FBXO11: variants seen among roughly 807,000 people sequenced by gnomAD.
The protein encoded by FBXO11 is F-box only protein 11.
FBXO11 carries 13 observed loss-of-function variants against 117.0 expected under a neutral mutation model. That is an observed-to-expected ratio of 0.11 (90% CI 0.07 to 0.18). FBXO11 has a LOEUF of 0.18. Among genes scored for constraint, FBXO11 ranks in the 10% least tolerant of loss-of-function variants. The pLI is 1.00. For missense variants in FBXO11, 767 were observed against 1,164.4 expected, an observed-to-expected ratio of 0.66 and a Z score of 4.97; for synonymous variants, 490 against 380.5, an observed-to-expected ratio of 1.29 and a Z score of -3.35.
rs1021755030 is a variant in FBXO11 at position 47,906,388 on chromosome 2, C to T, written c.-668G>A. Among the ~76,000 whole-genome samples the T allele has an allele frequency of 2.0e-5, 3 of 152,198 alleles. No individual in the cohort carries two copies. The highest frequency in any genetic ancestry group is 2.9e-5 in the Non-Finnish European group (2 of 68,022). ...GGGAAAAAGAGGCGTCGTCCTTCCT[C>T]CTCCTTAAAGGAACCTTTCCTCCTC... On this transcript the variant is annotated 5_prime_UTR_variant, in exon 1 of 23. Transcript: ENST00000403359.
Position 47,818,773 on chromosome 2 carries a change from A to T in FBXO11, c.2006+6T>A. ...CCAAAAGATAGCCAAATATGAAAAC[A>T]TTTACCTTATCTGAACCCCTGAATA... On this transcript the variant is annotated splice_donor_region_variant and intron_variant, in intron 16 of 22. Coordinates refer to ENST00000403359, the MANE Select transcript of FBXO11 (RefSeq NM_001190274.2). The T allele has an allele frequency of 6.4e-7, 1 of 1,571,302 alleles. No homozygotes were observed. The highest frequency in any genetic ancestry group is 8.6e-7 in the Non-Finnish European group (1 of 1,165,606).
chr2:47,864,871 T>G (rs1675074960), intron 1 of FBXO11, among the ~76,000 whole-genome samples: 1 of 152,074 alleles, frequency 6.6e-6, no homozygotes, highest in African/African-American at 2.4e-5. Context: ...ATTTGTTATG[T>G]GAGACAAGAA....
rs1352967061 is a variant in FBXO11 at position 47,839,810 on chromosome 2, T to TA, written c.233-42dup. On this transcript the variant is annotated intron_variant, in intron 1 of 22. Transcript: ENST00000403359. ...GCAATAAGAAAAATTATACCCTTTT[T>TA]AAAAAAAGTTCTATGGATACAGAAA... 4.5e-6 allele frequency: 7 copies of TA among 1,567,648 alleles called. No homozygotes were observed. The Admixed American group carries it at 6.0e-5, about 13-fold the overall frequency.
Position 47,808,204 on chromosome 2 carries a change from T to C in FBXO11, c.2698A>G (p.Thr900Ala), listed in dbSNP as rs745716152. 1 of 1,613,478 alleles carries C rather than the reference T, an allele frequency of 6.2e-7. No individual in the cohort carries two copies. The highest frequency in any genetic ancestry group is 8.5e-7 in the Non-Finnish European group (1 of 1,179,844). ...TCATGTGTAGGCTCACCAGCTAATG[T>C]ACAAGGATTAGACAGTGTTCCAGCA... ...CGAGTLSNPCTLAGEPTHDTD... is the reference protein window; with the variant it reads ...CGAGTLSNPCALAGEPTHDTD... Residue 900 changes from threonine (T) to alanine (A), a missense_variant, in exon 23 of 23, where the codon ACA becomes GCA. Transcript: ENST00000403359.
At chr2:47,850,190 A>T (rs139509776) in intron 1 of FBXO11, among the ~76,000 whole-genome samples, 2 of 152,226 alleles carry the variant, frequency 1.3e-5, no homozygotes, top group Non-Finnish European at 1.5e-5. Flanking sequence ...GGTTGGAACC[A>T]AATTAATACT....
intron 1 of FBXO11, among the ~76,000 whole-genome samples, chr2:47,865,212 C>T (rs1675105556): frequency 6.6e-6 from 1 of 152,058 alleles, no homozygotes; most frequent in African/African-American, 2.4e-5. Context: ...ATCTATTTAC[C>T]CCTTCGGTGA....
intron 1 of FBXO11, among the ~76,000 whole-genome samples, chr2:47,898,055 T>G (rs1677811920): frequency 6.6e-6 from 1 of 152,322 alleles, no homozygotes; most frequent in South Asian, 2.1e-4. Context: ...CCCCATGATC[T>G]TCATTTGTTA....
intron 1 of FBXO11, among the ~76,000 whole-genome samples, chr2:47,843,350 C>G (rs1482706694): frequency 1.3e-5 from 2 of 151,486 alleles, no homozygotes; most frequent in Non-Finnish European, 2.9e-5. Context: ...CATTTTTTCA[C>G]TTTTGTTGAG....
chr2:47,838,969 C>A lies in FBXO11; in HGVS notation c.477G>T (p.Leu159=), dbSNP rs376598500. 6.2e-6 allele frequency: 10 copies of A among 1,613,980 alleles called. No homozygotes were observed. The highest frequency in any genetic ancestry group is 8.5e-6 in the Non-Finnish European group (10 of 1,179,902). ...APAEQYLQEK[L]PDEVVLKIFS... ...AGATTTTTAGAACCACTTCATCTGG[C>A]AGTTTCTCCTGAAGATACTGTTCAG... The change falls in exon 4 of 23, where the codon CTG becomes CTT. Residue 159 remains leucine (L), a synonymous_variant. Transcript: ENST00000403359.
At chr2:47,831,427 G>GAAAAAAAAAAAAAAAAAAAA (rs920107554) in intron 11 of FBXO11, among the ~76,000 whole-genome samples, 8 of 65,748 alleles carry the variant, frequency 1.2e-4, no homozygotes, top group African/African-American at 2.3e-4. Context: ...GTCTCAAAAA[G>GAAAAAAAAAAAAAAAAAAAA]AAAAAAAAAA....
intron 1 of FBXO11, among the ~76,000 whole-genome samples, chr2:47,855,021 G>C (rs935439511): frequency 6.6e-6 from 1 of 152,024 alleles, no homozygotes; most frequent in African/African-American, 2.4e-5. Context: ...GCCTGGATTA[G>C]GGTGGTGGTA....
At chr2:47,835,825 T>A (rs781362796) in intron 5 of FBXO11, 47 bp downstream of exon 5, 42 of 1,440,554 alleles carry the variant, frequency 2.9e-5, no homozygotes, top group Non-Finnish European at 4.0e-5. Context: ...AGAAAGTTAT[T>A]TACAAATGTA....
chr2:47,901,298 A>G (rs984170453), intron 1 of FBXO11, among the ~76,000 whole-genome samples: 1 of 151,598 alleles, frequency 6.6e-6, no homozygotes, highest in African/African-American at 2.4e-5. Flanking sequence ...AGCAAAATCT[A>G]TTAATGCATT....
Position 47,888,312 on chromosome 2 carries a change from A to T in FBXO11, c.232+17177T>A, listed in dbSNP as rs575064426. On this transcript the variant is annotated intron_variant, in intron 1 of 22. Transcript: ENST00000403359. ...TCTGGAGACTTGGGCTCTAAATCCA[A>T]ACATCACTCTGAACAAACCTCAAGA... Among the ~76,000 whole-genome samples the T allele has an allele frequency of 3.3e-5, 5 of 152,354 alleles. No homozygotes were observed. The South Asian group carries it at 1.0e-3, about 32-fold the overall frequency.
At chr2:47,889,181 A>G (rs956954020) in intron 1 of FBXO11, among the ~76,000 whole-genome samples, 2 of 152,222 alleles carry the variant, frequency 1.3e-5, no homozygotes, top group Admixed American at 6.5e-5. Flanking sequence ...TGACTGCTTC[A>G]TGAAAAAACA....
chr2:47,870,437 T>A (rs1056464918), intron 1 of FBXO11, among the ~76,000 whole-genome samples: 5 of 152,092 alleles, frequency 3.3e-5, no homozygotes, highest in African/African-American at 1.2e-4. Context: ...TTAAGGGAGG[T>A]CTTTAGGGTG....
At chr2:47,821,350 C>A (rs1262911102) in intron 13 of FBXO11, among the ~76,000 whole-genome samples, 1 of 152,128 alleles carries the variant, frequency 6.6e-6, no homozygotes. Flanking sequence ...GTGGCTCACA[C>A]CTGTAATCCC....
At chr2:47,834,961 A>G (rs771551709) in intron 5 of FBXO11, 90 bp from the exon 6 acceptor site, 10 of 874,184 alleles carry the variant, frequency 1.1e-5, no homozygotes, top group African/African-American at 1.7e-5. Context: ...AACTTTTATT[A>G]CAAATCAAAA....
chr2:47,879,359 T>C (rs1042053775), intron 1 of FBXO11, among the ~76,000 whole-genome samples: 14 of 152,228 alleles, frequency 9.2e-5, no homozygotes, highest in Non-Finnish European at 1.5e-4. Context: ...ACAGGGATTA[T>C]CTCAATTTGT....
Sources: gnomAD v4.1 joint callset for allele counts (sites outside exome capture counted in the v4.1 genomes callset) on GRCh38, gnomAD v4.1.1 for gene constraint, MANE v1.5 for transcripts, NCBI Gene and HGNC (gene_info 2026-07-23, HGNC 2026-07-21) for gene names.